Variants in RNF38 observed in about 807,000 individuals in gnomAD.
The protein encoded by RNF38 is E3 ubiquitin-protein ligase RNF38.
Under a neutral mutation model 67.2 loss-of-function variants are expected in RNF38, and 15 were observed. The ratio of observed to expected loss-of-function variants is 0.22; its 90% CI spans 0.15 to 0.34. RNF38 has a LOEUF of 0.34. Among genes scored for constraint, RNF38 ranks in the 10% least tolerant of loss-of-function variants. RNF38 has a pLI of 1.00. For synonymous variants in RNF38, 220 were observed against 218.8 expected (o/e 1.01, Z -0.05); for missense variants, 524 against 639.9 (o/e 0.82, Z 1.95).
At chr9:36,483,111 G>T (rs1237845140) in intron 1 of RNF38, among the ~76,000 whole-genome samples, 1 of 152,140 alleles carries the variant, frequency 6.6e-6, no homozygotes, top group African/African-American at 2.4e-5. Flanking sequence ...TACCGGCCAG[G>T]CACGGCTGTT....
At chr9:36,409,723 C>T (rs1282547185) in intron 2 of RNF38, among the ~76,000 whole-genome samples, 2 of 152,152 alleles carry the variant, frequency 1.3e-5, no homozygotes, top group Non-Finnish European at 2.9e-5. Flanking sequence ...GATCCTAACA[C>T]GAATGGTTTT....
At chr9:36,480,171 G>T (rs1840216409) in intron 1 of RNF38, among the ~76,000 whole-genome samples, 2 of 152,040 alleles carry the variant, frequency 1.3e-5, no homozygotes, top group South Asian at 4.1e-4. Context: ...TAGAGACAGA[G>T]TTTCACCATG....
intron 1 of RNF38, among the ~76,000 whole-genome samples, chr9:36,397,444 T>C (rs1837627077): frequency 2.0e-5 from 3 of 152,118 alleles, no homozygotes; most frequent in Admixed American, 6.6e-5. Context: ...ATAGGCAGTA[T>C]TAGGAGAAAC....
At chr9:36,350,983 AACAC>A in intron 9 of RNF38, 128 bp downstream of exon 9, 1 of 684,658 alleles carries the variant, frequency 1.5e-6, no homozygotes, top group Non-Finnish European at 2.6e-6. Flanking sequence ...TGTGTGGCCC[AACAC>A]AGTAATTCTT....
intron 1 of RNF38, among the ~76,000 whole-genome samples, chr9:36,482,640 A>C (rs1285329148): frequency 2.6e-5 from 4 of 152,186 alleles, no homozygotes; most frequent in African/African-American, 9.6e-5. Context: ...AGCGTGAGCC[A>C]CTGCGCCAGG....
chr9:36,403,886 T>C (rs1433787822), upstream of RNF38, among the ~76,000 whole-genome samples: 1 of 152,252 alleles, frequency 6.6e-6, no homozygotes, highest in Non-Finnish European at 1.5e-5. Context: ...TATACCATCA[T>C]GTTTTTCTCT....
chr9:36,420,226 C>A (rs1255872283), intron 2 of RNF38, among the ~76,000 whole-genome samples: 1 of 152,112 alleles, frequency 6.6e-6, no homozygotes, highest in African/African-American at 2.4e-5. Context: ...GGTGTTGTGA[C>A]TACCTGGTTA....
At chr9:36,380,671 T>A (rs1223610662) in intron 2 of RNF38, among the ~76,000 whole-genome samples, 2 of 151,956 alleles carry the variant, frequency 1.3e-5, no homozygotes, top group African/African-American at 4.8e-5. Flanking sequence ...TAAAAAAAAA[T>A]TTTGGAGATA....
At chr9:36,483,115 G>A (rs1433748327) in intron 1 of RNF38, among the ~76,000 whole-genome samples, 4 of 152,060 alleles carry the variant, frequency 2.6e-5, no homozygotes, top group Non-Finnish European at 4.4e-5. Flanking sequence ...GGCCAGGCAC[G>A]GCTGTTCACG....
chr9:36,468,468 A>T (rs968983592), intron 1 of RNF38, among the ~76,000 whole-genome samples: 1 of 152,174 alleles, frequency 6.6e-6, no homozygotes, highest in Admixed American at 6.5e-5. Context: ...ATGGATCTGG[A>T]GAGGTAAAGA....
chr9:36,342,249 TA>T, intron 11 of RNF38, 75 bp downstream of exon 11: 2 of 1,019,052 alleles, frequency 2.0e-6, no homozygotes, highest in Non-Finnish European at 3.1e-6. Context: ...TCCACTGAGC[TA>T]TGAACTTACT....
chr9:36,369,241 C>CT (rs1234996982), intron 4 of RNF38, among the ~76,000 whole-genome samples: 2 of 152,080 alleles, frequency 1.3e-5, no homozygotes, highest in Middle Eastern at 3.4e-3. Flanking sequence ...AACCTTGATC[C>CT]TTTTTTTTAA....
At chr9:36,361,851 G>T (rs944015570) in intron 4 of RNF38, among the ~76,000 whole-genome samples, 11 of 152,076 alleles carry the variant, frequency 7.2e-5, no homozygotes, top group Non-Finnish European at 1.3e-4. Context: ...CCTGCTTGGA[G>T]GTTTATGTTA....
At chr9:36,340,293 T>G (rs1832745321) in intron 11 of RNF38, among the ~76,000 whole-genome samples, 1 of 152,176 alleles carries the variant, frequency 6.6e-6, no homozygotes, top group African/African-American at 2.4e-5. Flanking sequence ...TGAATGATTT[T>G]TAGTAGGTCT....
chr9:36,439,281 T>A (rs888980470), intron 1 of RNF38, among the ~76,000 whole-genome samples: 1 of 152,202 alleles, frequency 6.6e-6, no homozygotes. Flanking sequence ...AGATGTGAGA[T>A]GTGAAAAAGA....
intron 2 of RNF38, among the ~76,000 whole-genome samples, chr9:36,410,673 C>T (rs1302367134): frequency 1.3e-5 from 2 of 152,224 alleles, no homozygotes. Context: ...AACACCCAAC[C>T]AGTTTTTGTC....
intron 1 of RNF38, among the ~76,000 whole-genome samples, chr9:36,396,876 T>C (rs1837547420): frequency 6.6e-6 from 1 of 151,784 alleles, no homozygotes; most frequent in African/African-American, 2.4e-5. Context: ...CCCTTTGAGA[T>C]CCAAGACAAA....
At chr9:36,348,955 C>G (rs1318951490) in intron 9 of RNF38, among the ~76,000 whole-genome samples, 1 of 151,124 alleles carries the variant, frequency 6.6e-6, no homozygotes, top group Non-Finnish European at 1.5e-5. Flanking sequence ...CTTCAAAGAA[C>G]AGGCTGACTC....
At chr9:36,484,968 C>A (rs1840369712) in intron 1 of RNF38, among the ~76,000 whole-genome samples, 1 of 152,122 alleles carries the variant, frequency 6.6e-6, no homozygotes, top group African/African-American at 2.4e-5. Context: ...AGATCGAGAC[C>A]ATCCTGGCTA....
Sources: allele counts gnomAD v4.1 joint callset (sites outside exome capture counted in the v4.1 genomes callset), GRCh38; gene constraint gnomAD v4.1.1; transcripts MANE v1.5; gene names NCBI Gene and HGNC (gene_info 2026-07-23, HGNC 2026-07-21).